Variants in GRAMD4 observed in about 807,000 individuals in gnomAD.
GRAMD4 encodes GRAM domain-containing protein 4.
GRAMD4 carries 25 observed loss-of-function variants against 83.9 expected under a neutral mutation model. The ratio of observed to expected loss-of-function variants is 0.30; its 90% CI spans 0.22 to 0.42. The LOEUF (loss-of-function observed/expected upper bound fraction) is 0.42, where lower values mean the gene tolerates loss of function less well. Among genes scored for constraint, GRAMD4 ranks in the 10% least tolerant of loss-of-function variants. The pLI, the probability that GRAMD4 is intolerant of heterozygous loss-of-function variation, is 1.00. For synonymous variants in GRAMD4, 336 were observed against 320.9 expected, an observed-to-expected ratio of 1.05 and a Z score of -0.50; for missense variants, 593 against 788.7, an observed-to-expected ratio of 0.75 and a Z score of 2.97.
intron 1 of GRAMD4, among the ~76,000 whole-genome samples, chr22:46,577,806 C>G (rs926617146): frequency 6.6e-6 from 1 of 152,230 alleles, no homozygotes; most frequent in Non-Finnish European, 1.5e-5. Context: ...TCTTCTCTCC[C>G]TTTGTTCGGG....
At chr22:46,681,498 G>A (rs113888866), downstream of GRAMD4, among the ~76,000 whole-genome samples, 434 of 152,278 alleles carry the variant, frequency 2.9e-3, 5 homozygotes, top group African/African-American at 9.9e-3. Context: ...GGCATCTCTC[G>A]GCTGTACCTG....
At chr22:46,627,932 A>G (rs952540543) in intron 2 of GRAMD4, among the ~76,000 whole-genome samples, 3 of 152,306 alleles carry the variant, frequency 2.0e-5, no homozygotes, top group Admixed American at 2.0e-4. Context: ...CCCCAGGCAA[A>G]GGTTGTGGTT....
chr22:46,608,918 G>A (rs1307725761), intron 1 of GRAMD4, among the ~76,000 whole-genome samples: 2 of 152,004 alleles, frequency 1.3e-5, no homozygotes, highest in African/African-American at 4.8e-5. Flanking sequence ...GCTGAGTTGC[G>A]AGGATCACTG....
intron 1 of GRAMD4, among the ~76,000 whole-genome samples, chr22:46,626,398 C>A (rs1011107436): frequency 1.3e-5 from 2 of 152,002 alleles, no homozygotes; most frequent in African/African-American, 4.8e-5. Flanking sequence ...GGCTGAGAAC[C>A]CTGGCTTCCT....
At chr22:46,602,238 G>A (rs1273491564) in intron 1 of GRAMD4, among the ~76,000 whole-genome samples, 2 of 152,212 alleles carry the variant, frequency 1.3e-5, no homozygotes, top group Non-Finnish European at 2.9e-5. Flanking sequence ...CTTCCTGGAA[G>A]TGAAATCACC....
chr22:46,637,688 G>A (rs2081911366), intron 2 of GRAMD4, 152 bp from the exon 3 acceptor site: 8 of 714,476 alleles, frequency 1.1e-5, no homozygotes, highest in South Asian at 3.8e-5. Context: ...TGACTGCTGC[G>A]TCGTCCCCAT....
intron 1 of GRAMD4, among the ~76,000 whole-genome samples, chr22:46,583,775 G>C (rs1037711224): frequency 6.6e-6 from 1 of 152,202 alleles, no homozygotes; most frequent in East Asian, 1.9e-4. Flanking sequence ...TGCTGACTTG[G>C]CCACCCACCT....
Position 46,668,814 on chromosome 22 carries a change from C to T in GRAMD4, c.990C>T (p.Val330=). The T allele has an allele frequency of 1.9e-6, 3 of 1,595,932 alleles. No individual in the cohort carries two copies. The highest frequency in any genetic ancestry group is 1.1e-5 in the South Asian group (1 of 90,804). The stretch of plus-strand genomic sequence containing the variant: ...CTCCTTCCAGCTTGTTCATGTGGGT[C>T]CAGCCGGAGATCACACAGAAGCTGT... ...LEKIKNLFMW[V]QPEITQKLYV... The change falls in exon 13 of 19, where the codon GTC becomes GTT. Residue 330 remains valine (V), a synonymous_variant. Transcript: ENST00000406902.
intron 1 of GRAMD4, among the ~76,000 whole-genome samples, chr22:46,611,042 C>T (rs144433606): frequency 0.032 from 4,904 of 151,870 alleles, 251 homozygotes; most frequent in African/African-American, 0.11. Flanking sequence ...TGGTGAAACC[C>T]CATCTCTACT....
intron 13 of GRAMD4, among the ~76,000 whole-genome samples, chr22:46,669,187 A>C (rs2542031): frequency 0.17 from 26,462 of 152,102 alleles, 2,710 homozygotes; most frequent in African/African-American, 0.27. Flanking sequence ...GGATAGCAGG[A>C]CTTGGGGTGT....
intron 1 of GRAMD4, among the ~76,000 whole-genome samples, chr22:46,589,504 G>A (rs1256315165): frequency 6.6e-6 from 1 of 151,870 alleles, no homozygotes; most frequent in Non-Finnish European, 1.5e-5. Context: ...GTGAGTGGGT[G>A]GCCCTATTAT....
intron 1 of GRAMD4, among the ~76,000 whole-genome samples, chr22:46,591,133 G>A (rs140000853): frequency 1.3e-5 from 2 of 152,348 alleles, no homozygotes; most frequent in Non-Finnish European, 2.9e-5. Context: ...ATGGCCTAAG[G>A]TGGGAAACTG....
chr22:46,618,176 C>G, upstream of GRAMD4, among the ~76,000 whole-genome samples: 1 of 152,152 alleles, frequency 6.6e-6, no homozygotes, highest in East Asian at 1.9e-4. The surrounding 1 kb of genome is among the most constrained non-coding windows in gnomAD (Gnocchi z 5.8). Flanking sequence ...GTGCCAAGCT[C>G]TGCAGAGGGA....
At chr22:46,580,522 G>A (rs901558189) in intron 1 of GRAMD4, among the ~76,000 whole-genome samples, 68 of 152,188 alleles carry the variant, frequency 4.5e-4, no homozygotes, top group Non-Finnish European at 8.7e-4. Context: ...TGTGAACAGA[G>A]TGTCACAGGC....
intron 2 of GRAMD4, among the ~76,000 whole-genome samples, chr22:46,634,179 G>A (rs150145564): frequency 6.6e-6 from 1 of 152,206 alleles, no homozygotes; most frequent in Admixed American, 6.5e-5. Flanking sequence ...AGGTTCCCTC[G>A]GTGGGGAGCG....
At chr22:46,615,624 TC>T (rs1225765098), upstream of GRAMD4, among the ~76,000 whole-genome samples, 3 of 105,984 alleles carry the variant, frequency 2.8e-5, no homozygotes, top group African/African-American at 3.9e-5. Flanking sequence ...GCGTGTAGGT[TC>T]CCCCGTGTGT....
At chr22:46,583,166 C>T (rs936381314) in intron 1 of GRAMD4, among the ~76,000 whole-genome samples, 1 of 152,198 alleles carries the variant, frequency 6.6e-6, no homozygotes, top group African/African-American at 2.4e-5. Context: ...TTAGGTGATC[C>T]ATTCGCTTCG....
chr22:46,578,002 C>T (rs779124252), intron 1 of GRAMD4, among the ~76,000 whole-genome samples: 9 of 152,166 alleles, frequency 5.9e-5, no homozygotes, highest in East Asian at 1.9e-4. Flanking sequence ...TGTTCTCAGC[C>T]GGGTGGGCTG....
intron 2 of GRAMD4, among the ~76,000 whole-genome samples, chr22:46,630,445 G>A (rs542432556): frequency 1.3e-5 from 2 of 152,210 alleles, no homozygotes; most frequent in Non-Finnish European, 1.5e-5. Context: ...ACATGGTCTC[G>A]CTGGGCCATG....
Sources: allele counts gnomAD v4.1 joint callset (sites outside exome capture counted in the v4.1 genomes callset), GRCh38; gene constraint gnomAD v4.1.1; non-coding constraint Gnocchi (gnomAD v3.1); transcripts MANE v1.5; gene names NCBI Gene and HGNC (gene_info 2026-07-23, HGNC 2026-07-21).